The following HMCN2 variants were observed in gnomAD, a reference collection of about 807,000 sequenced individuals.
HMCN2 encodes the protein hemicentin 2.
Under a neutral mutation model 377.5 loss-of-function variants are expected in HMCN2, and 325 were observed. The observed-to-expected ratio is 0.86, with a 90% confidence interval of 0.79 to 0.94. The LOEUF (loss-of-function observed/expected upper bound fraction) is 0.94. Ranked by LOEUF, HMCN2 falls within the 40% of genes least tolerant of loss-of-function variation. The pLI is 0.00. For missense variants in HMCN2, 4,543 were observed against 4,725.3 expected, an observed-to-expected ratio of 0.96 and a Z score of 1.13; for synonymous variants, 2,007 against 2,046.8, an observed-to-expected ratio of 0.98 and a Z score of 0.53.
chr9:130,267,474 A>ACACACG (rs1554919619), intron 1 of HMCN2, among the ~76,000 whole-genome samples: 3 of 132,912 alleles, frequency 2.3e-5, no homozygotes, highest in Non-Finnish European at 4.9e-5. Flanking sequence ...ACACACACAC[A>ACACACG]CACGCACAGA....
chr9:130,373,915 G>GATGA (rs1262986168), intron 48 of HMCN2, among the ~76,000 whole-genome samples: 2 of 149,538 alleles, frequency 1.3e-5, no homozygotes, highest in Admixed American at 1.3e-4. Context: ...TGGATGGATG[G>GATGA]AGAAATTTGT....
rs777757542 is a variant in HMCN2 at position 130,391,006 on chromosome 9, C to T, written c.9553C>T (p.Arg3185Trp). Residue 3185 changes from arginine to tryptophan, a missense_variant, in exon 63 of 98, where the codon CGG becomes TGG. Around this residue, in one of 5 missense-constraint regions of HMCN2, gnomAD observed 736 missense variants for 773.2 expected, o/e 0.95. Coordinates refer to ENST00000683500, the MANE Select transcript of HMCN2 (RefSeq NM_001291815.2). The part of the protein sequence containing the change: ...ESSAVHGVVS[R>W]GGRLQLSRLQ... Reference sequence around the variant, plus strand: ...CAGCGCGGTGCACGGTGTGGTCTCCCGGGGGGGCCGCCTCCAGCTGAGCCG... The same window carrying T: ...CAGCGCGGTGCACGGTGTGGTCTCCTGGGGGGGCCGCCTCCAGCTGAGCCG... 5.1e-6 allele frequency: 5 copies of T among 987,112 alleles called. No homozygotes were observed. The African/African-American group carries it at 5.2e-5, about 10-fold the overall frequency. The allele number at this position is 987,112 out of a possible 1,614,324, so 61.1% of individuals were successfully genotyped here. A position where few individuals can be genotyped will look rare whatever the true frequency, so the allele number is the denominator to read the frequency against.
intron 81 of HMCN2, 109 bp from the exon 82 acceptor site, chr9:130,405,846 C>A: frequency 1.2e-6 from 1 of 827,008 alleles, no homozygotes; most frequent in Non-Finnish European, 1.7e-6. Context: ...GGGCAAGTCA[C>A]TTCCCCTCTC....
rs571606352 is a variant in HMCN2, at chr9:130,393,200, C to T, written c.10137-12C>T. 1.9e-5 allele frequency: 19 copies of T among 987,892 alleles called. No individual in the cohort carries two copies. The South Asian group carries it at 4.2e-4, about 22-fold the overall frequency. 61.2% of individuals were successfully genotyped at this position (987,892 alleles called of 1,614,324 possible). A position where few individuals can be genotyped will look rare whatever the true frequency, so the allele number is the denominator to read the frequency against. On this transcript the variant is annotated splice_polypyrimidine_tract_variant and intron_variant, in intron 66 of 97. Transcript: ENST00000683500. This position sits in a 1 kb window ranked among gnomAD's most constrained non-coding sequence, Gnocchi z 5.2. Reference sequence around the variant, plus strand: ...TCTTGTCTCCTTCTCCCTCTCCTCTCGGGGGATTCAGGATTTCCAAGGTGC... The same window carrying T: ...TCTTGTCTCCTTCTCCCTCTCCTCTTGGGGGATTCAGGATTTCCAAGGTGC...
chr9:130,351,714 G>C lies in HMCN2; in HGVS notation c.4585+137G>C. ...TGATCCCTGAGTCCAAGAAAGCTGG[G>C]GGCTGGGGTCGGGGTTGGGGTCAGG... On this transcript the variant is annotated intron_variant, in intron 30 of 97. Transcript: ENST00000683500. The surrounding 1 kb of genome is among the most constrained non-coding windows in gnomAD (Gnocchi z 5.4). 1 of 701,606 alleles carries C rather than the reference G, an allele frequency of 1.4e-6. No homozygotes were observed. The highest frequency in any genetic ancestry group is 2.0e-6 in the Non-Finnish European group (1 of 503,170). The allele number at this position is 701,606 out of a possible 1,614,324, so 43.5% of individuals were successfully genotyped here. A position where few individuals can be genotyped will look rare whatever the true frequency, so the allele number is the denominator to read the frequency against.
chr9:130,350,198 C>T (rs956099341), intron 29 of HMCN2, among the ~76,000 whole-genome samples: 4 of 151,174 alleles, frequency 2.6e-5, no homozygotes, highest in African/African-American at 9.7e-5. Flanking sequence ...GCATGAGCCA[C>T]CGTGCCCAGC....
At chr9:130,334,511 C>T (rs1838601254) in intron 22 of HMCN2, among the ~76,000 whole-genome samples, 1 of 151,320 alleles carries the variant, frequency 6.6e-6, no homozygotes, top group Non-Finnish European at 1.5e-5. Context: ...AGATAAGATA[C>T]CCACTTTTAT....
chr9:130,358,624 A>G, intron 36 of HMCN2, 138 bp downstream of exon 36: 1 of 746,112 alleles, frequency 1.3e-6, no homozygotes, highest in South Asian at 1.6e-5. Flanking sequence ...CAGAGGAAGT[A>G]GAAAGCCCTG....
chr9:130,274,796 T>A (rs1385925439), intron 1 of HMCN2, among the ~76,000 whole-genome samples: 2 of 152,222 alleles, frequency 1.3e-5, no homozygotes, highest in Non-Finnish European at 2.9e-5. Flanking sequence ...TGAATATCTC[T>A]TCCTGTCAGG....
At chr9:130,373,494 CA>C (rs1841157489) in intron 48 of HMCN2, among the ~76,000 whole-genome samples, 1 of 151,916 alleles carries the variant, frequency 6.6e-6, no homozygotes, top group Non-Finnish European at 1.5e-5. Flanking sequence ...CTTGAAGACC[CA>C]GCTGCTGCCT....
At chr9:130,325,181 C>T (rs906298480) in intron 19 of HMCN2, among the ~76,000 whole-genome samples, 3 of 151,398 alleles carry the variant, frequency 2.0e-5, no homozygotes, top group East Asian at 1.9e-4. Flanking sequence ...CTGCAACCTC[C>T]GCCTTCCAGT....
chr9:130,278,027 CG>C (rs1564740408), intron 1 of HMCN2, among the ~76,000 whole-genome samples: 100 of 6,708 alleles, frequency 0.015, 33 homozygotes, highest in African/African-American at 0.11. Flanking sequence ...ACCACCACCA[CG>C]ATCATCACCA....
chr9:130,412,664 C>A (rs952056024), intron 85 of HMCN2, among the ~76,000 whole-genome samples: 3 of 151,268 alleles, frequency 2.0e-5, no homozygotes, highest in Admixed American at 6.6e-5. Context: ...GCAACTTCCA[C>A]CTCCAAGGTT....
At chr9:130,420,263 A>G (rs1843927519) in intron 86 of HMCN2, among the ~76,000 whole-genome samples, 1 of 151,686 alleles carries the variant, frequency 6.6e-6, no homozygotes, top group Non-Finnish European at 1.5e-5. Flanking sequence ...TTTAGTACAG[A>G]TGGGGTTTCA....
chr9:130,342,012 A>AAAAAAAATAAAT (rs1839077589), intron 24 of HMCN2, among the ~76,000 whole-genome samples: 1 of 130,692 alleles, frequency 7.7e-6, no homozygotes, highest in African/African-American at 2.9e-5. Context: ...CCCATCTCTT[A>AAAAAAAATAAAT]AAATAAATAA....
intron 4 of HMCN2, among the ~76,000 whole-genome samples, chr9:130,290,180 G>A (rs926644178): frequency 2.0e-5 from 3 of 152,226 alleles, no homozygotes; most frequent in Admixed American, 6.5e-5. Context: ...AAGGCTCTCT[G>A]CGCTGGAGCC....
At chr9:130,319,267 CT>C (rs1252486752) in intron 15 of HMCN2, among the ~76,000 whole-genome samples, 4 of 152,172 alleles carry the variant, frequency 2.6e-5, no homozygotes, top group Admixed American at 2.0e-4. Context: ...AGCCAGGCCC[CT>C]GAGACCCCAC....
rs1237090210 is a variant in HMCN2 at position 130,418,818 on chromosome 9, TG to T, written c.13012del (p.Asp4338MetfsTer72). Reference protein sequence around the residue: ...VEPQDMTVRSGDDVALRCQAT... With the variant: ...VEPQDMTVRSXDDVALRCQAT... ...AGCCCCAGGACATGACAGTGAGATC[TG>T]GGGATGACGTGGCCCTGCGGTGCCA... On this transcript the variant is annotated frameshift_variant, in exon 86 of 98. Transcript: ENST00000683500. LOFTEE classifies it high-confidence loss of function. 3 of 1,520,034 alleles carry T rather than the reference TG, an allele frequency of 2.0e-6. No individual in the cohort carries two copies. In the African/African-American group the frequency reaches 4.1e-5, roughly 21 times the overall value. 94.2% of individuals were successfully genotyped at this position (1,520,034 alleles called of 1,614,324 possible). A position where few individuals can be genotyped will look rare whatever the true frequency, so the allele number is the denominator to read the frequency against.
chr9:130,393,932 T>TGAC lies in HMCN2; in HGVS notation c.10426_10428dup (p.Asp3476dup). ...TGCAGCTGGAGGCAGTGGGAGCTGG[T>TGAC]GACTCGGGGACCTACTCCTGTGTGG... On this transcript the variant is annotated inframe_insertion, in exon 68 of 98. Coordinates refer to ENST00000683500, the MANE Select transcript of HMCN2 (RefSeq NM_001291815.2). This position sits in a 1 kb window ranked among gnomAD's most constrained non-coding sequence, Gnocchi z 5.2. The TGAC allele has an allele frequency of 1.6e-6, 2 of 1,289,106 alleles. No individual in the cohort carries two copies. Among genetic ancestry groups the TGAC allele is most frequent in the Non-Finnish European group, 2.0e-6 (2 of 988,714 alleles). The allele number at this position is 1,289,106 out of a possible 1,614,324, so 79.9% of individuals were successfully genotyped here.
Sources: gnomAD v4.1 joint callset for allele counts (sites outside exome capture counted in the v4.1 genomes callset) on GRCh38, gnomAD v4.1.1 for gene constraint, gnomAD v4.1.1 regional missense constraint, Gnocchi (gnomAD v3.1) non-coding constraint, MANE v1.5 for transcripts, NCBI Gene and HGNC (gene_info 2026-07-23, HGNC 2026-07-21) for gene names.